The following TACC1 variants were observed in gnomAD, a reference collection of about 807,000 sequenced individuals.
TACC1 encodes the protein transforming acidic coiled-coil-containing protein 1.
In TACC1, 48 loss-of-function variants were observed where a neutral mutation model predicts 84.4. The ratio of observed to expected loss-of-function variants is 0.57; its 90% CI spans 0.45 to 0.72. The LOEUF (loss-of-function observed/expected upper bound fraction) is 0.72. Ranked by LOEUF, TACC1 falls within the 30% of genes least tolerant of loss-of-function variation. The probability of loss-of-function intolerance (pLI) is 0.00; values close to 1 mark genes in which losing one functional copy is unlikely to be tolerated. For missense variants in TACC1, 920 were observed against 973.0 expected (o/e 0.95, Z 0.72); for synonymous variants, 372 against 376.3 (o/e 0.99, Z 0.13).
chr8:38,738,265 C>T (rs1186707404), intron 1 of TACC1, among the ~76,000 whole-genome samples: 1 of 151,792 alleles, frequency 6.6e-6, no homozygotes, highest in Non-Finnish European at 1.5e-5. Context: ...AAAAATTAGT[C>T]GGGCGTGGTG....
At chr8:38,832,946 A>G (rs1279005050) in intron 6 of TACC1, among the ~76,000 whole-genome samples, 1 of 152,204 alleles carries the variant, frequency 6.6e-6, no homozygotes, top group Non-Finnish European at 1.5e-5. Flanking sequence ...TCTGTTGTCT[A>G]TAGACTGGTC....
upstream of TACC1, chr8:38,787,092 G>C (rs1817342044): frequency 2.1e-6 from 2 of 971,792 alleles, no homozygotes; most frequent in African/African-American, 1.8e-5. Context: ...GCGGTAGGGG[G>C]ATCCGGCGGG....
intron 3 of TACC1, among the ~76,000 whole-genome samples, chr8:38,763,833 T>G (rs962472432): frequency 1.3e-5 from 2 of 152,368 alleles, no homozygotes; most frequent in Non-Finnish European, 1.5e-5. Context: ...TGTTTGATAT[T>G]TAGGTTGGTT....
At chr8:38,789,930 C>G (rs1818244470) in intron 2 of TACC1, among the ~76,000 whole-genome samples, 1 of 152,188 alleles carries the variant, frequency 6.6e-6, no homozygotes, top group Admixed American at 6.5e-5. Context: ...ATTTGGTTTT[C>G]AGTAAGGTGG....
intron 3 of TACC1, among the ~76,000 whole-genome samples, chr8:38,771,494 A>G (rs994300348): frequency 6.6e-6 from 1 of 152,178 alleles, no homozygotes; most frequent in Non-Finnish European, 1.5e-5. Context: ...GGAGGAAATA[A>G]TTGAAATTGC....
chr8:38,769,085 T>C (rs1587459387), intron 3 of TACC1, among the ~76,000 whole-genome samples: 1 of 143,580 alleles, frequency 7.0e-6, no homozygotes, highest in African/African-American at 2.6e-5. Context: ...TGTGTGACTG[T>C]GTGGTGTGTG....
At position 38,820,021 on chromosome 8, in the gene TACC1, C is replaced by A. The variant is rs754786024; in HGVS notation, c.777C>A (p.Leu259=). The A allele has an allele frequency of 6.2e-7, 1 of 1,614,034 alleles. No individual in the cohort carries two copies. The highest frequency in any genetic ancestry group is 8.5e-7 in the Non-Finnish European group (1 of 1,180,042). ...DTNAAVEGTP[L]PKASYHFSPE... ...ACGCTGCTGTGGAGGGCACACCTCT[C>A]CCCAAGGCATCCTATCACTTCAGTC... Residue 259 remains leucine, a synonymous_variant, in exon 3 of 13, where the codon CTC becomes CTA. Transcript: ENST00000317827.
chr8:38,795,892 G>T (rs1554514477), intron 2 of TACC1, among the ~76,000 whole-genome samples: 1 of 152,162 alleles, frequency 6.6e-6, no homozygotes, highest in African/African-American at 2.4e-5. Context: ...ACTCACAAGG[G>T]AATAATAATA....
At chr8:38,846,878 G>A (rs1221216692) in intron 12 of TACC1, 59 bp downstream of exon 12, 1 of 1,597,204 alleles carries the variant, frequency 6.3e-7, no homozygotes, top group African/African-American at 1.3e-5. Flanking sequence ...CTCCTCAGCA[G>A]TGACTCACTT....
chr8:38,775,150 A>G (rs1226510196), intron 3 of TACC1, among the ~76,000 whole-genome samples: 1 of 152,186 alleles, frequency 6.6e-6, no homozygotes, highest in Non-Finnish European at 1.5e-5. Context: ...TCTCTATTAT[A>G]CATACCAAGT....
In TACC1 at chr8:38,819,804, C is replaced by T. The variant is rs34235313; in HGVS notation, c.560C>T (p.Pro187Leu). 0.049 allele frequency: 78,693 copies of T among 1,613,884 alleles called. 2,179 individuals carry two copies. The highest frequency in any genetic ancestry group is 0.057 in the Non-Finnish European group (66,795 of 1,180,018). The change falls in exon 3 of 13, where the codon CCG (proline) becomes CTG (leucine). Residue 187 changes from proline (P) to leucine (L), a missense_variant. By Grantham distance (98) the Pro-to-Leu change is moderately conservative. This residue lies in a region of TACC1 where 762 missense variants were observed against 747.3 expected (regional missense o/e 1.02). Transcript: ENST00000317827. ...AVSGKALPSS[P>L]PDALQDEAMT... ...TCAGGCAAGGCTCTGCCTTCCAGCC[C>T]GCCAGACGCCCTCCAGGACGAGGCG...
intron 2 of TACC1, among the ~76,000 whole-genome samples, chr8:38,801,218 GTTC>G (rs1283849826): frequency 3.9e-5 from 6 of 152,118 alleles, no homozygotes; most frequent in African/African-American, 1.2e-4. Flanking sequence ...AAGTGCAAAA[GTTC>G]TTAATTTTGA....
intron 9 of TACC1, among the ~76,000 whole-genome samples, chr8:38,842,036 A>G (rs905105129): frequency 8.5e-5 from 13 of 152,110 alleles, no homozygotes; most frequent in Non-Finnish European, 4.4e-5. Context: ...GTCTATGCTC[A>G]GATCTCTCCC....
At chr8:38,735,568 C>A (rs139723974) in intron 1 of TACC1, among the ~76,000 whole-genome samples, 1 of 152,054 alleles carries the variant, frequency 6.6e-6, no homozygotes, top group African/African-American at 2.4e-5. Flanking sequence ...TGGTGGTGTC[C>A]GCTGACTGAA....
At chr8:38,734,918 A>C (rs1277019901) in intron 1 of TACC1, among the ~76,000 whole-genome samples, 1 of 152,228 alleles carries the variant, frequency 6.6e-6, no homozygotes, top group African/African-American at 2.4e-5. Flanking sequence ...TCTGGTTTTC[A>C]TAGTCTCACG....
At chr8:38,814,511 T>C (rs1037324586) in intron 2 of TACC1, among the ~76,000 whole-genome samples, 2 of 152,230 alleles carry the variant, frequency 1.3e-5, no homozygotes, top group South Asian at 2.1e-4. Flanking sequence ...TTCAGGTTTG[T>C]AGCCTAGGAG....
At chr8:38,810,042 A>G (rs913024447) in intron 2 of TACC1, among the ~76,000 whole-genome samples, 1 of 152,182 alleles carries the variant, frequency 6.6e-6, no homozygotes, top group East Asian at 1.9e-4. Flanking sequence ...TAGAACTTCT[A>G]TTTCCATTGC....
chr8:38,734,603 T>C (rs1805601801), intron 1 of TACC1, among the ~76,000 whole-genome samples: 3 of 152,204 alleles, frequency 2.0e-5, no homozygotes, highest in Non-Finnish European at 4.4e-5. Context: ...CAGGGAGGGC[T>C]TGGTATGTTT....
At chr8:38,765,313 C>T (rs560248383) in intron 3 of TACC1, among the ~76,000 whole-genome samples, 1 of 152,296 alleles carries the variant, frequency 6.6e-6, no homozygotes, top group South Asian at 2.1e-4. Context: ...GTATGGAGTA[C>T]ATACCTGTCC....
Sources: gnomAD v4.1 joint callset for allele counts (sites outside exome capture counted in the v4.1 genomes callset) on GRCh38, gnomAD v4.1.1 for gene constraint, gnomAD v4.1.1 regional missense constraint, MANE v1.5 for transcripts, NCBI Gene and HGNC (gene_info 2026-07-23, HGNC 2026-07-21) for gene names.